The following FNDC3A variants were observed in gnomAD, a reference collection of about 807,000 sequenced individuals.
FNDC3A encodes fibronectin type III domain containing 3A, also known as fibronectin type-III domain-containing protein 3A.
A neutral mutation model predicts 148.9 loss-of-function variants in FNDC3A; 32 were observed. That is an observed-to-expected ratio of 0.21 (90% confidence interval 0.16 to 0.29). The LOEUF (loss-of-function observed/expected upper bound fraction) is 0.29, where lower values mean the gene tolerates loss of function less well. FNDC3A is among the 10% of genes least tolerant of loss of function. FNDC3A has a pLI of 1.00. For missense variants in FNDC3A, 1,191 were observed against 1,452.8 expected (o/e 0.82, Z 2.93); for synonymous variants, 472 against 473.6 (o/e 1.00, Z 0.04).
chr13:49,134,223 G>T (rs1227092912), intron 5 of FNDC3A, among the ~76,000 whole-genome samples: 1 of 151,932 alleles, frequency 6.6e-6, no homozygotes, highest in East Asian at 1.9e-4. Context: ...TGTCTGTATG[G>T]GTTTGCCTAT....
At position 49,136,372 on chromosome 13, in the gene FNDC3A, A is replaced by G; in HGVS notation, c.531A>G (p.Glu177=). The change falls in exon 6 of 26, where the codon GAA becomes GAG. Residue 177 remains glutamate, a synonymous_variant. Transcript: ENST00000492622. Reference sequence around the variant, plus strand: ...ATGGAAGGTCCAACTTTAGAGATGAACGATCTAGTAAAACATATGAACGTT... The same window carrying G: ...ATGGAAGGTCCAACTTTAGAGATGAGCGATCTAGTAAAACATATGAACGTT... The part of the protein sequence containing the change: ...STHGRSNFRD[E]RSSKTYERLQ... 2 of 1,614,152 alleles carry G rather than the reference A, an allele frequency of 1.2e-6. No homozygotes were observed. Among genetic ancestry groups the G allele is most frequent in the East Asian group, 2.2e-5 (1 of 44,872 alleles).
chr13:49,130,170 A>C (rs1881939969), intron 4 of FNDC3A, among the ~76,000 whole-genome samples: 1 of 151,550 alleles, frequency 6.6e-6, no homozygotes, highest in Non-Finnish European at 1.5e-5. Context: ...AAAGAGGAGT[A>C]AGTCTTGTCA....
At chr13:49,188,283 C>A (rs1885691203) in intron 16 of FNDC3A, among the ~76,000 whole-genome samples, 1 of 152,188 alleles carries the variant, frequency 6.6e-6, no homozygotes, top group Non-Finnish European at 1.5e-5. Flanking sequence ...AGGCCAAAGT[C>A]TGTACAGAGT....
chr13:48,984,478 A>C (rs1951752896), intron 1 of FNDC3A, among the ~76,000 whole-genome samples: 1 of 152,228 alleles, frequency 6.6e-6, no homozygotes, highest in Non-Finnish European at 1.5e-5. Flanking sequence ...CATATTGATC[A>C]AAGGAATAGA....
chr13:48,998,674 G>T (rs1363666795), intron 1 of FNDC3A, among the ~76,000 whole-genome samples: 1 of 152,170 alleles, frequency 6.6e-6, no homozygotes, highest in Non-Finnish European at 1.5e-5. Context: ...AAAGAGAAAT[G>T]AATTGAAGCA....
intron 2 of FNDC3A, among the ~76,000 whole-genome samples, chr13:49,016,552 G>T (rs1409001151): frequency 2.6e-5 from 4 of 152,060 alleles, no homozygotes; most frequent in Admixed American, 6.5e-5. Flanking sequence ...CAAAAAACCA[G>T]CTCCTGGATT....
intron 4 of FNDC3A, among the ~76,000 whole-genome samples, chr13:49,126,620 C>T (rs920173159): frequency 6.6e-6 from 1 of 152,122 alleles, no homozygotes; most frequent in African/African-American, 2.4e-5. Context: ...TCTATGCCCA[C>T]AAAGTAGATA....
chr13:49,102,294 T>A (rs1375793928), intron 3 of FNDC3A, among the ~76,000 whole-genome samples: 1 of 152,216 alleles, frequency 6.6e-6, no homozygotes, highest in African/African-American at 2.4e-5. Context: ...TGGGTTGAGC[T>A]ACTAATTCAC....
chr13:49,146,839 T>A (rs1883026628), intron 8 of FNDC3A: 1 of 152,246 alleles, frequency 6.6e-6, no homozygotes, highest in South Asian at 2.1e-4. Context: ...AATTATTCTG[T>A]CCATATTCAT....
chr13:49,155,281 T>TC (rs1183190959), intron 8 of FNDC3A, among the ~76,000 whole-genome samples: 9 of 152,096 alleles, frequency 5.9e-5, no homozygotes, highest in African/African-American at 1.9e-4. Context: ...ATCCATTTCT[T>TC]CTAGATTTTC....
chr13:49,140,074 C>T (rs1406523539), intron 7 of FNDC3A, among the ~76,000 whole-genome samples: 1 of 152,196 alleles, frequency 6.6e-6, no homozygotes, highest in Admixed American at 6.5e-5. Context: ...CAGTGGCTCA[C>T]ACTTTCCCAG....
rs1203646155 is a variant in FNDC3A, at chr13:49,208,804, C to G, written c.*1409C>G. 5 of 152,584 alleles carry G rather than the reference C, an allele frequency of 3.3e-5. No homozygotes were observed. Among genetic ancestry groups the G allele is most frequent in the African/African-American group, 9.7e-5 (4 of 41,428 alleles). 9.5% of individuals were successfully genotyped at this position (152,584 alleles called of 1,614,324 possible). ...ATTTGAATTTTAGGATAGCGAATCA[C>G]TAATTTTTAGTTGCTGAGGTTGGCA... On this transcript the variant is annotated 3_prime_UTR_variant, in exon 26 of 26. Coordinates refer to ENST00000492622, the MANE Select transcript of FNDC3A (RefSeq NM_001079673.2).
intron 10 of FNDC3A, among the ~76,000 whole-genome samples, chr13:49,170,229 A>G (rs1297446616): frequency 6.6e-6 from 1 of 152,194 alleles, no homozygotes; most frequent in Non-Finnish European, 1.5e-5. Context: ...GGATAGTATT[A>G]TATACCTCAG....
intron 1 of FNDC3A, among the ~76,000 whole-genome samples, chr13:48,979,315 A>G (rs989451187): frequency 1.3e-5 from 2 of 152,162 alleles, no homozygotes; most frequent in African/African-American, 4.8e-5. Flanking sequence ...ATAATATGGT[A>G]TTATTAAGTT....
At chr13:49,153,162 A>G (rs1176217376) in intron 8 of FNDC3A, among the ~76,000 whole-genome samples, 3 of 151,838 alleles carry the variant, frequency 2.0e-5, no homozygotes, top group African/African-American at 7.3e-5. Flanking sequence ...CTATTTCTCC[A>G]CATCCTCTCC....
chr13:49,042,369 T>A (rs2137688982), intron 2 of FNDC3A, among the ~76,000 whole-genome samples: 1 of 152,362 alleles, frequency 6.6e-6, no homozygotes, highest in East Asian at 1.9e-4. Context: ...TATTTTATCA[T>A]CTTCCAGCAT....
At chr13:49,010,933 C>G (rs1248799547) in intron 2 of FNDC3A, among the ~76,000 whole-genome samples, 1 of 152,128 alleles carries the variant, frequency 6.6e-6, no homozygotes, top group African/African-American at 2.4e-5. Context: ...TGGTCTTATT[C>G]AATATTGTTT....
At chr13:49,170,864 A>G (rs1884719367) in intron 10 of FNDC3A, among the ~76,000 whole-genome samples, 1 of 152,202 alleles carries the variant, frequency 6.6e-6, no homozygotes, top group South Asian at 2.1e-4. Flanking sequence ...CACTGGAAAA[A>G]GAGAAAAATT....
intron 8 of FNDC3A, among the ~76,000 whole-genome samples, chr13:49,158,972 G>A (rs1295100042): frequency 6.6e-6 from 1 of 152,100 alleles, no homozygotes; most frequent in African/African-American, 2.4e-5. Context: ...CTGTTCCATT[G>A]GTCTACATCT....
Sources: allele counts gnomAD v4.1 joint callset (sites outside exome capture counted in the v4.1 genomes callset), GRCh38; gene constraint gnomAD v4.1.1; transcripts MANE v1.5; gene names NCBI Gene and HGNC (gene_info 2026-07-23, HGNC 2026-07-21).